The following CFAP206 variants were observed in gnomAD, a reference collection of about 807,000 sequenced individuals.
CFAP206 encodes the protein cilia- and flagella-associated protein 206.
A neutral mutation model predicts 65.4 loss-of-function variants in CFAP206; 53 were observed. The observed-to-expected ratio is 0.81, with a 90% confidence interval of 0.65 to 1.02. The LOEUF is 1.02. CFAP206 is among the 50% of genes least tolerant of loss of function. CFAP206 has a pLI of 0.00. For missense variants in CFAP206, 663 were observed against 753.2 expected, an observed-to-expected ratio of 0.88 and a Z score of 1.40; for synonymous variants, 250 against 254.4, an observed-to-expected ratio of 0.98 and a Z score of 0.17.
chr6:87,427,951 A>T (rs554880840), intron 8 of CFAP206, among the ~76,000 whole-genome samples: 5 of 140,448 alleles, frequency 3.6e-5, no homozygotes, highest in South Asian at 2.3e-4. Context: ...CGTGGGGGGA[A>T]CTTTCTATTT....
At position 87,418,219 on chromosome 6, in the gene CFAP206, C is replaced by G; in HGVS notation, c.643C>G (p.Leu215Val). The change falls in exon 7 of 13, where the codon CTC becomes GTC. Residue 215 changes from leucine to valine, a missense_variant. Coordinates refer to ENST00000369562, the MANE Select transcript of CFAP206 (RefSeq NM_001031743.3). ...GEGIDDLPAV[L>V]HVAIPATMQH... is the part of the protein sequence containing the mutation. Reference sequence around the variant, plus strand: ...ACTCTTACAAACAGTGCCAGCTGTTCTCCATGTAGCAATCCCAGCCACCAT... The same window carrying G: ...ACTCTTACAAACAGTGCCAGCTGTTGTCCATGTAGCAATCCCAGCCACCAT... 3 of 1,614,090 alleles carry G rather than the reference C, an allele frequency of 1.9e-6. No homozygotes were observed. Among genetic ancestry groups the G allele is most frequent in the Non-Finnish European group, 2.5e-6 (3 of 1,179,998 alleles).
At chr6:87,435,702 C>G (rs1449548848) in intron 11 of CFAP206, 2 of 152,272 alleles carry the variant, frequency 1.3e-5, no homozygotes, top group African/African-American at 4.8e-5. Flanking sequence ...CTCTGTCACC[C>G]AGGATGGAGA....
intron 6 of CFAP206, 116 bp from the exon 7 acceptor site, chr6:87,418,092 T>C (rs1767866218): frequency 1.1e-6 from 1 of 894,932 alleles, no homozygotes; most frequent in African/African-American, 1.7e-5. Context: ...TATTACTAAT[T>C]TGATTGGGGA....
At chr6:87,456,081 C>T (rs1441242004) in intron 11 of CFAP206, among the ~76,000 whole-genome samples, 2 of 152,136 alleles carry the variant, frequency 1.3e-5, no homozygotes, top group Non-Finnish European at 2.9e-5. Flanking sequence ...GTCAGTATTG[C>T]TGGTGAACAT....
At chr6:87,445,719 C>A (rs1294965699) in intron 11 of CFAP206, among the ~76,000 whole-genome samples, 1 of 152,050 alleles carries the variant, frequency 6.6e-6, no homozygotes, top group Non-Finnish European at 1.5e-5. Context: ...TGGGTATATA[C>A]CCAGTAATAG....
chr6:87,451,398 A>T (rs1768540417), intron 11 of CFAP206, among the ~76,000 whole-genome samples: 2 of 152,158 alleles, frequency 1.3e-5, no homozygotes, highest in Admixed American at 1.3e-4. Context: ...TTTGTGGATG[A>T]CATTTCTAGA....
At chr6:87,461,195 A>G (rs979400260) in intron 12 of CFAP206, 30 bp downstream of exon 12, 5 of 1,438,460 alleles carry the variant, frequency 3.5e-6, no homozygotes, top group Non-Finnish European at 4.6e-6. Flanking sequence ...AGAATTATTT[A>G]TATGTTGGGG....
intron 1 of CFAP206, among the ~76,000 whole-genome samples, chr6:87,409,594 A>G (rs1399196992): frequency 6.6e-6 from 1 of 151,874 alleles, no homozygotes; most frequent in Non-Finnish European, 1.5e-5. Flanking sequence ...AATAATTGAA[A>G]ATGTTATTTA....
chr6:87,416,267 C>T (rs1467609845), intron 5 of CFAP206, among the ~76,000 whole-genome samples: 3 of 152,128 alleles, frequency 2.0e-5, no homozygotes, highest in Admixed American at 6.5e-5. Flanking sequence ...AATGGGGCAC[C>T]ATTTTATCCT....
chr6:87,443,223 A>G (rs1380969610), intron 11 of CFAP206, among the ~76,000 whole-genome samples: 1 of 152,146 alleles, frequency 6.6e-6, no homozygotes, highest in East Asian at 1.9e-4. Context: ...AATTTATTCA[A>G]ATCATCTAAG....
chr6:87,446,893 T>C (rs751390959), intron 11 of CFAP206, among the ~76,000 whole-genome samples: 27 of 152,186 alleles, frequency 1.8e-4, no homozygotes, highest in Admixed American at 4.6e-4. Flanking sequence ...TAGTTCTCCT[T>C]GAAGAGGTCC....
At chr6:87,417,952 A>T (rs1244744135) in intron 6 of CFAP206, among the ~76,000 whole-genome samples, 1 of 151,680 alleles carries the variant, frequency 6.6e-6, no homozygotes, top group Admixed American at 6.6e-5. Flanking sequence ...GTTGGCCAGG[A>T]TGGTCTCAAT....
chr6:87,419,596 T>C (rs6900397), intron 7 of CFAP206, among the ~76,000 whole-genome samples: 54,737 of 152,012 alleles, frequency 0.36, 11,208 homozygotes, highest in African/African-American at 0.56. Context: ...AACTATGAGA[T>C]TCTCGGTTAG....
chr6:87,414,618 A>G, intron 4 of CFAP206, among the ~76,000 whole-genome samples: 1 of 152,214 alleles, frequency 6.6e-6, no homozygotes, highest in Non-Finnish European at 1.5e-5. Context: ...AAATAATTTA[A>G]TGCATACATC....
Position 87,431,127 on chromosome 6 carries a change from A to T in CFAP206, c.1254A>T (p.Gly418=). 1 of 1,613,980 alleles carries T rather than the reference A, an allele frequency of 6.2e-7. No individual in the cohort carries two copies. The highest frequency in any genetic ancestry group is 8.5e-7 in the Non-Finnish European group (1 of 1,179,944). The stretch of plus-strand genomic sequence containing the variant: ...ATAAACTGTTAATTCAATATCGGGG[A>T]TTTTGTGCTTACACGTTTGCTGCAA... ...NFDKLLIQYR[G]FCAYTFAATD... Residue 418 remains glycine (G), a synonymous_variant, in exon 10 of 13, where the codon GGA becomes GGT. Transcript: ENST00000369562.
At chr6:87,454,935 AT>A (rs1562010745) in intron 11 of CFAP206, among the ~76,000 whole-genome samples, 1 of 149,384 alleles carries the variant, frequency 6.7e-6, no homozygotes, top group Non-Finnish European at 1.5e-5. Flanking sequence ...ATTTTTTATT[AT>A]TTTTTTTATG....
At chr6:87,462,424 T>C (rs2127958398) in intron 12 of CFAP206, among the ~76,000 whole-genome samples, 1 of 152,336 alleles carries the variant, frequency 6.6e-6, no homozygotes. Flanking sequence ...TATTATTTTC[T>C]ATTATCTACT....
chr6:87,409,635 C>T (rs763800316), intron 1 of CFAP206, among the ~76,000 whole-genome samples, 200 bp from the exon 2 acceptor site: 11 of 151,260 alleles, frequency 7.3e-5, no homozygotes, highest in Non-Finnish European at 1.6e-4. Context: ...AAATCCCAAT[C>T]GTTGTCTGTC....
At chr6:87,431,196 G>A in intron 10 of CFAP206, 23 bp downstream of exon 10, 1 of 1,597,162 alleles carries the variant, frequency 6.3e-7, no homozygotes, top group Non-Finnish European at 8.5e-7. Context: ...AAATGAGACT[G>A]CTCTCCTTTC....
Sources: gnomAD v4.1 joint callset for allele counts (sites outside exome capture counted in the v4.1 genomes callset) on GRCh38, gnomAD v4.1.1 for gene constraint, MANE v1.5 for transcripts, NCBI Gene and HGNC (gene_info 2026-07-23, HGNC 2026-07-21) for gene names.